The following BMPER variants were observed in gnomAD, a reference collection of about 807,000 sequenced individuals.
The protein encoded by BMPER is BMP binding endothelial regulator, also known as BMP-binding endothelial regulator protein.
A neutral mutation model predicts 87.3 loss-of-function variants in BMPER; 45 were observed. That is an observed-to-expected ratio of 0.52 (90% CI 0.41 to 0.66). The LOEUF (loss-of-function observed/expected upper bound fraction) is 0.66, where lower values mean the gene tolerates loss of function less well. BMPER is among the 30% of genes least tolerant of loss of function. The probability of loss-of-function intolerance (pLI) is 0.00; values close to 1 mark genes in which losing one functional copy is unlikely to be tolerated. For synonymous variants in BMPER, 326 were observed against 316.2 expected (o/e 1.03, Z -0.33); for missense variants, 784 against 867.5 (o/e 0.90, Z 1.21).
intron 3 of BMPER, among the ~76,000 whole-genome samples, chr7:33,941,718 G>A (rs1027995387): frequency 6.6e-6 from 1 of 152,146 alleles, no homozygotes; most frequent in Non-Finnish European, 1.5e-5. Context: ...TGATGTGAGC[G>A]ATGGGGATCA....
intron 13 of BMPER, among the ~76,000 whole-genome samples, chr7:34,135,409 A>G (rs1306393938): frequency 6.6e-6 from 1 of 152,144 alleles, no homozygotes; most frequent in Non-Finnish European, 1.5e-5. Flanking sequence ...GTGGCTCCTG[A>G]TGTCAGACCT....
intron 6 of BMPER, among the ~76,000 whole-genome samples, chr7:33,988,375 A>G (rs1786076093): frequency 6.6e-6 from 1 of 152,214 alleles, no homozygotes; most frequent in Non-Finnish European, 1.5e-5. Flanking sequence ...ATTCATAAAC[A>G]ATAGACACAG....
intron 11 of BMPER, among the ~76,000 whole-genome samples, chr7:34,074,895 G>T (rs552660188): frequency 6.6e-6 from 1 of 152,130 alleles, no homozygotes; most frequent in Non-Finnish European, 1.5e-5. Flanking sequence ...ATAAACAGTG[G>T]CTGTTTCTTA....
At chr7:34,065,172 C>G (rs528849296) in intron 11 of BMPER, among the ~76,000 whole-genome samples, 53 of 152,064 alleles carry the variant, frequency 3.5e-4, no homozygotes, top group Admixed American at 9.8e-4. Context: ...CTCTCTCCCT[C>G]TCTCTCGGAC....
intron 6 of BMPER, among the ~76,000 whole-genome samples, chr7:33,989,942 T>A (rs1198532227): frequency 6.6e-6 from 1 of 152,208 alleles, no homozygotes; most frequent in East Asian, 1.9e-4. Flanking sequence ...GCGGCGTTAT[T>A]TCTGAGGGTT....
intron 13 of BMPER, among the ~76,000 whole-genome samples, chr7:34,116,543 A>AT (rs1218859247): frequency 1.3e-5 from 2 of 152,238 alleles, no homozygotes; most frequent in Non-Finnish European, 2.9e-5. Context: ...TTAATAGAGA[A>AT]TTGTGAGACC....
At chr7:33,959,973 A>G (rs1392766332) in intron 3 of BMPER, among the ~76,000 whole-genome samples, 2 of 152,292 alleles carry the variant, frequency 1.3e-5, no homozygotes, top group African/African-American at 2.4e-5. Flanking sequence ...AAATTTCTGC[A>G]TATTTGGGGT....
intron 13 of BMPER, among the ~76,000 whole-genome samples, chr7:34,108,171 A>C (rs1390557952): frequency 6.6e-6 from 1 of 152,230 alleles, no homozygotes; most frequent in Admixed American, 6.5e-5. Context: ...AAGTCCAATT[A>C]TTAACGGTGC....
chr7:34,067,885 A>G (rs554093448), intron 11 of BMPER, among the ~76,000 whole-genome samples: 1 of 152,326 alleles, frequency 6.6e-6, no homozygotes, highest in East Asian at 1.9e-4. Context: ...CTTGCTGTAA[A>G]TTAGTACAGA....
chr7:33,986,250 C>T (rs1562669981), intron 6 of BMPER, among the ~76,000 whole-genome samples: 1 of 152,168 alleles, frequency 6.6e-6, no homozygotes, highest in Non-Finnish European at 1.5e-5. Flanking sequence ...CAGAATCCCC[C>T]TACTCTCCAA....
chr7:34,096,225 T>A (rs955717578), intron 13 of BMPER, among the ~76,000 whole-genome samples: 1 of 152,198 alleles, frequency 6.6e-6, no homozygotes, highest in African/African-American at 2.4e-5. Context: ...TCAGGCCACA[T>A]ACAGATTGGT....
intron 6 of BMPER, among the ~76,000 whole-genome samples, chr7:33,999,365 C>G (rs990555246): frequency 6.6e-6 from 1 of 152,172 alleles, no homozygotes; most frequent in Non-Finnish European, 1.5e-5. Flanking sequence ...CAATTTCAAG[C>G]TTTAAAAAGA....
Position 34,153,478 on chromosome 7 carries a change from T to C in BMPER, c.*205T>C. On this transcript the variant is annotated 3_prime_UTR_variant, in exon 15 of 15. Transcript: ENST00000649409. ...GGATTATTATATGTATATTTTTTGCTATAAGACATGTATTGTTTCTAGGAT... is the reference window on the plus strand; with the variant it reads ...GGATTATTATATGTATATTTTTTGCCATAAGACATGTATTGTTTCTAGGAT... The C allele has an allele frequency of 1.7e-6, 1 of 584,314 alleles. No individual in the cohort carries two copies. The highest frequency in any genetic ancestry group is 3.1e-5 in the Admixed American group (1 of 32,212). 36.2% of individuals were successfully genotyped at this position (584,314 alleles called of 1,614,324 possible).
At chr7:33,919,923 A>ATTATCTATCTATC (rs1554297028) in intron 2 of BMPER, among the ~76,000 whole-genome samples, 2 of 150,712 alleles carry the variant, frequency 1.3e-5, no homozygotes, top group Non-Finnish European at 3.0e-5. Flanking sequence ...ATCTGTGTAC[A>ATTATCTATCTATC]TATCTATCTA....
At chr7:33,987,285 G>A (rs1178437796) in intron 6 of BMPER, among the ~76,000 whole-genome samples, 3 of 152,104 alleles carry the variant, frequency 2.0e-5, no homozygotes, top group Non-Finnish European at 4.4e-5. Context: ...CCCTCAGAGT[G>A]GAATTTTAAA....
At chr7:34,012,324 A>C (rs1319510374) in intron 6 of BMPER, among the ~76,000 whole-genome samples, 2 of 151,946 alleles carry the variant, frequency 1.3e-5, no homozygotes, top group African/African-American at 4.8e-5. Context: ...CAAACATCAA[A>C]GGATATACTC....
chr7:33,905,757 G>A lies in BMPER; in HGVS notation c.133+11G>A, dbSNP rs763740955. On this transcript the variant is annotated intron_variant, in intron 1 of 14. Coordinates refer to ENST00000649409, the MANE Select transcript of BMPER (RefSeq NM_001365308.1). ...CCTCCTTCTTGACAGGTAGGGGAGGGGGCGGGAGGGACCGGCCCTCCGGGA... is the reference window on the plus strand; with the variant it reads ...CCTCCTTCTTGACAGGTAGGGGAGGAGGCGGGAGGGACCGGCCCTCCGGGA... 2 of 1,610,136 alleles carry A rather than the reference G, an allele frequency of 1.2e-6. No homozygotes were observed. The highest frequency in any genetic ancestry group is 3.3e-5 in the Admixed American group (2 of 60,000).
chr7:34,118,852 T>G (rs1790183783), intron 13 of BMPER, among the ~76,000 whole-genome samples: 1 of 152,162 alleles, frequency 6.6e-6, no homozygotes, highest in Non-Finnish European at 1.5e-5. Context: ...GAGGGAATTC[T>G]GCCAGCAGAT....
At chr7:34,013,994 T>G (rs1408739268) in intron 6 of BMPER, among the ~76,000 whole-genome samples, 2 of 151,898 alleles carry the variant, frequency 1.3e-5, no homozygotes, top group Non-Finnish European at 2.9e-5. Flanking sequence ...TAAATATAGT[T>G]TTGTGGGATT....
Sources: gnomAD v4.1 joint callset for allele counts (sites outside exome capture counted in the v4.1 genomes callset) on GRCh38, gnomAD v4.1.1 for gene constraint, MANE v1.5 for transcripts, NCBI Gene and HGNC (gene_info 2026-07-23, HGNC 2026-07-21) for gene names.